The following SHISA9 variants were observed in gnomAD, a reference collection of about 807,000 sequenced individuals.
The protein encoded by SHISA9 is shisa family member 9.
A neutral mutation model predicts 38.0 loss-of-function variants in SHISA9; 13 were observed. The ratio of observed to expected loss-of-function variants is 0.34; its 90% CI spans 0.22 to 0.54. SHISA9 has a LOEUF of 0.54. Among genes scored for constraint, SHISA9 ranks in the 20% least tolerant of loss-of-function variants. SHISA9 has a pLI of 0.91. For missense variants in SHISA9, 538 were observed against 575.8 expected (o/e 0.93, Z 0.67); for synonymous variants, 275 against 242.0 (o/e 1.14, Z -1.27).
chr16:13,392,780 T>C, the SHISA9 span, among the ~76,000 whole-genome samples: 3 of 152,326 alleles, frequency 2.0e-5, no homozygotes, highest in East Asian at 5.8e-4. Context: ...TGTGTGAAGA[T>C]AAAGGCAGAG....
chr16:13,314,334 C>T, the SHISA9 span, among the ~76,000 whole-genome samples: 1 of 152,086 alleles, frequency 6.6e-6, no homozygotes, highest in Non-Finnish European at 1.5e-5. Flanking sequence ...CTGCCTCAGC[C>T]TCCCGAGTAG....
intron 1 of SHISA9, chr16:12,910,343 C>T: frequency 5.8e-6 from 2 of 346,522 alleles, no homozygotes; most frequent in South Asian, 1.2e-4. Flanking sequence ...TAGGTATTTA[C>T]TGAACATCTA....
At chr16:13,159,502 T>C (rs562385241) in intron 2 of SHISA9, among the ~76,000 whole-genome samples, 10 of 152,338 alleles carry the variant, frequency 6.6e-5, no homozygotes, top group African/African-American at 2.4e-4. Flanking sequence ...GAGGTCAGGA[T>C]TGGGAGTAGT....
the SHISA9 span, among the ~76,000 whole-genome samples, chr16:13,549,149 T>C: frequency 9.8e-5 from 15 of 152,290 alleles, no homozygotes; most frequent in South Asian, 2.7e-3. Context: ...CTCTCATGTG[T>C]AGAATGTTAA....
the SHISA9 span, among the ~76,000 whole-genome samples, chr16:13,501,082 A>G: frequency 2.0e-5 from 3 of 152,170 alleles, no homozygotes; most frequent in African/African-American, 4.8e-5. Context: ...AACCTTCCCA[A>G]TGCCAAACCC....
At chr16:13,449,168 C>G in the SHISA9 span, among the ~76,000 whole-genome samples, 26 of 152,162 alleles carry the variant, frequency 1.7e-4, no homozygotes, top group African/African-American at 5.5e-4. Flanking sequence ...CCTAATGATT[C>G]CCTTAAAAAA....
intron 3 of SHISA9, among the ~76,000 whole-genome samples, chr16:13,211,171 C>T (rs951939358): frequency 3.3e-5 from 5 of 152,028 alleles, no homozygotes; most frequent in Non-Finnish European, 7.4e-5. Context: ...GTGCTGCTCG[C>T]CTATAACCTC....
intron 4 of SHISA9, among the ~76,000 whole-genome samples, chr16:13,223,543 C>T (rs549067927): frequency 6.6e-6 from 1 of 152,318 alleles, no homozygotes; most frequent in Non-Finnish European, 1.5e-5. Context: ...TCTTGTTTTT[C>T]AAGACTGGGG....
At chr16:13,511,526 C>T in the SHISA9 span, among the ~76,000 whole-genome samples, 1 of 151,948 alleles carries the variant, frequency 6.6e-6, no homozygotes, top group Non-Finnish European at 1.5e-5. Flanking sequence ...AAATGGGGTA[C>T]AATAAAGGTA....
the SHISA9 span, among the ~76,000 whole-genome samples, chr16:13,299,151 C>T: frequency 6.6e-6 from 1 of 152,164 alleles, no homozygotes; most frequent in South Asian, 2.1e-4. Context: ...GCCACAGTTA[C>T]CAGCCAACCA....
At chr16:13,053,912 G>T (rs1415625208) in intron 2 of SHISA9, among the ~76,000 whole-genome samples, 1 of 152,166 alleles carries the variant, frequency 6.6e-6, no homozygotes, top group African/African-American at 2.4e-5. Flanking sequence ...AAGCAATGAG[G>T]CCAAGAAGCC....
the SHISA9 span, among the ~76,000 whole-genome samples, chr16:13,516,379 T>G: frequency 6.6e-6 from 1 of 152,196 alleles, no homozygotes; most frequent in Non-Finnish European, 1.5e-5. Flanking sequence ...TGAAACCACA[T>G]TTTTGGAGAA....
rs777001791 is a variant in SHISA9, at chr16:12,964,858, AG to A, written c.691+48045del. Among the ~76,000 whole-genome samples, 54 of 152,174 alleles carry A rather than the reference AG, an allele frequency of 3.5e-4. 1 individual carries two copies. Among genetic ancestry groups the A allele is most frequent in the Non-Finnish European group, 6.8e-4 (46 of 68,040 alleles). On this transcript the variant is annotated intron_variant, in intron 2 of 4. Transcript: ENST00000558583. ...CTGTTTATTTCTTGGGGTTGTCAAA[AG>A]GCTCAATTGAGAACATACTTCTATT...
chr16:13,393,717 T>G, the SHISA9 span, among the ~76,000 whole-genome samples: 479 of 152,318 alleles, frequency 3.1e-3, 2 homozygotes, highest in Non-Finnish European at 5.1e-3. Flanking sequence ...TCTGGGACTC[T>G]GATGACCATG....
intron 2 of SHISA9, among the ~76,000 whole-genome samples, chr16:13,169,188 C>G (rs2050664107): frequency 6.6e-6 from 1 of 152,160 alleles, no homozygotes; most frequent in South Asian, 2.1e-4. Context: ...CCTCCCAGCT[C>G]CATTGGAAGG....
chr16:13,165,411 G>C (rs1003869133), intron 2 of SHISA9, among the ~76,000 whole-genome samples: 1 of 152,142 alleles, frequency 6.6e-6, no homozygotes, highest in African/African-American at 2.4e-5. Flanking sequence ...TATAGTAGTT[G>C]CTATCATTAG....
In SHISA9 at chr16:13,235,551, G is replaced by C; in HGVS notation, c.*142G>C. The C allele has an allele frequency of 9.1e-7, 1 of 1,098,734 alleles. No individual in the cohort carries two copies. Among genetic ancestry groups the C allele is most frequent in the Admixed American group, 2.9e-5 (1 of 34,184 alleles). 68.1% of individuals were successfully genotyped at this position (1,098,734 alleles called of 1,614,324 possible). ...CAAGAACCAACTCTAAACCTACTGG[G>C]GACACAGAGTCGCGCTTTTCCTAGG... is the stretch of plus-strand genomic sequence containing the variant. On this transcript the variant is annotated 3_prime_UTR_variant, in exon 5 of 5. Coordinates refer to ENST00000558583, the MANE Select transcript of SHISA9 (RefSeq NM_001145204.3).
chr16:13,033,742 C>G (rs2073019489), intron 2 of SHISA9, among the ~76,000 whole-genome samples: 1 of 152,110 alleles, frequency 6.6e-6, no homozygotes, highest in African/African-American at 2.4e-5. Flanking sequence ...AGTAGATGTC[C>G]ATGATAAGGA....
At position 13,238,737 on chromosome 16, in the gene SHISA9, T is replaced by G. The variant is rs2051408919; in HGVS notation, c.*3328T>G. On this transcript the variant is annotated 3_prime_UTR_variant, in exon 5 of 5. Coordinates refer to ENST00000558583, the MANE Select transcript of SHISA9 (RefSeq NM_001145204.3). The stretch of plus-strand genomic sequence containing the variant: ...ATAGTTTATTATCTTCCAGTTGGTT[T>G]TGGGAGATGAACTGAAGAGGGAAGT... 6.6e-6 allele frequency: 1 copy of G among 151,800 alleles called. No homozygotes were observed. Among genetic ancestry groups the G allele is most frequent in the African/African-American group, 2.4e-5 (1 of 41,378 alleles). 9.4% of individuals were successfully genotyped at this position (151,800 alleles called of 1,614,324 possible).
Sources: gnomAD v4.1 joint callset for allele counts (sites outside exome capture counted in the v4.1 genomes callset) on GRCh38, gnomAD v4.1.1 for gene constraint, MANE v1.5 for transcripts, NCBI Gene and HGNC (gene_info 2026-07-23, HGNC 2026-07-21) for gene names.